Variants in ARFGEF3 observed in about 807,000 individuals in gnomAD.
ARFGEF3 encodes brefeldin A-inhibited guanine nucleotide-exchange protein 3.
ARFGEF3 carries 96 observed loss-of-function variants against 221.7 expected under a neutral mutation model. That is an observed-to-expected ratio of 0.43 (90% CI 0.37 to 0.51). The LOEUF (loss-of-function observed/expected upper bound fraction) is 0.51. Ranked by LOEUF, ARFGEF3 falls within the 20% of genes least tolerant of loss-of-function variation. The probability of loss-of-function intolerance (pLI) is 0.00; values close to 1 mark genes in which losing one functional copy is unlikely to be tolerated. For synonymous variants in ARFGEF3, 1,145 were observed against 1,126.8 expected (o/e 1.02, Z -0.32); for missense variants, 2,410 against 2,789.9 (o/e 0.86, Z 3.07).
chr6:138,314,439 C>T (rs1779883464), intron 26 of ARFGEF3, among the ~76,000 whole-genome samples: 1 of 152,132 alleles, frequency 6.6e-6, no homozygotes. Flanking sequence ...ACTCTGGCCC[C>T]CAAAATTGAG....
chr6:138,183,029 C>A (rs1167522987), intron 2 of ARFGEF3, among the ~76,000 whole-genome samples: 1 of 152,244 alleles, frequency 6.6e-6, no homozygotes, highest in East Asian at 1.9e-4. Flanking sequence ...TATTTACCAG[C>A]TGGGAGAAAA....
rs553218657 is a variant in ARFGEF3 at position 138,191,597 on chromosome 6, C to T, written c.138-15445C>T. On this transcript the variant is annotated intron_variant, in intron 2 of 33. Coordinates refer to ENST00000251691, the MANE Select transcript of ARFGEF3 (RefSeq NM_020340.5). ...GAAGTTTCATCCACTTCCAAGTTTT[C>T]AGCTACTAGTTATAGATTGATAACT... Among the ~76,000 whole-genome samples the T allele has an allele frequency of 7.2e-5, 11 of 152,308 alleles. 1 individual carries two copies. The highest frequency in any genetic ancestry group is 3.3e-4 in the Admixed American group (5 of 15,298).
rs530235367 is a variant in ARFGEF3, at chr6:138,186,745, G to A, written c.137+16032G>A. Among the ~76,000 whole-genome samples, 21 of 152,156 alleles carry A rather than the reference G, an allele frequency of 1.4e-4. 1 individual carries two copies. Among genetic ancestry groups the A allele is most frequent in the East Asian group, 7.7e-4 (4 of 5,174 alleles). ...GAGGTGCTGGAGATATCCCCGTCCC[G>A]CAAGCAAAACAACTGAGACTTGTAG... On this transcript the variant is annotated intron_variant, in intron 2 of 33. Transcript: ENST00000251691.
intron 4 of ARFGEF3, among the ~76,000 whole-genome samples, chr6:138,214,472 C>T (rs1218993451): frequency 1.3e-5 from 2 of 152,192 alleles, no homozygotes; most frequent in Admixed American, 6.5e-5. Flanking sequence ...GATAAGGCCA[C>T]ACCATGCAGT....
chr6:138,301,306 GAACTT>G (rs1779625198), intron 22 of ARFGEF3, among the ~76,000 whole-genome samples: 1 of 152,234 alleles, frequency 6.6e-6, no homozygotes, highest in African/African-American at 2.4e-5. Flanking sequence ...GTGTTTGCTA[GAACTT>G]TGGTTAAGAA....
At chr6:138,197,348 G>A (rs143890756) in intron 2 of ARFGEF3, among the ~76,000 whole-genome samples, 1 of 152,174 alleles carries the variant, frequency 6.6e-6, no homozygotes, top group African/African-American at 2.4e-5. Flanking sequence ...TGAAGGACCT[G>A]CCTGAGGCTG....
chr6:138,296,761 T>A (rs1160548637), intron 20 of ARFGEF3, 49 bp from the exon 21 acceptor site: 2 of 1,592,886 alleles, frequency 1.3e-6, no homozygotes, highest in Non-Finnish European at 1.7e-6. Flanking sequence ...TAGGTCAGAC[T>A]ATGTCTGAGT....
rs564683579 is a variant in ARFGEF3 at position 138,185,446 on chromosome 6, C to T, written c.137+14733C>T. 1.0e-3 allele frequency among the ~76,000 whole-genome samples: 156 copies of T among 152,256 alleles called. 1 individual carries two copies. The highest frequency in any genetic ancestry group is 1.5e-3 in the Non-Finnish European group (105 of 68,016). ...CCTCCCTAAAGGAATGATCATGACC[C>T]GTAGGGATCCAGAGAAGGGAGGATA... is the stretch of plus-strand genomic sequence containing the variant. On this transcript the variant is annotated intron_variant, in intron 2 of 33. Coordinates refer to ENST00000251691, the MANE Select transcript of ARFGEF3 (RefSeq NM_020340.5).
At chr6:138,287,925 A>C (rs994382114) in intron 17 of ARFGEF3, among the ~76,000 whole-genome samples, 25 of 152,174 alleles carry the variant, frequency 1.6e-4, no homozygotes, top group African/African-American at 5.5e-4. Flanking sequence ...CCATTTGAAA[A>C]CAAAATCGCT....
At chr6:138,300,989 A>G (rs1332133555) in intron 22 of ARFGEF3, among the ~76,000 whole-genome samples, 9 of 152,236 alleles carry the variant, frequency 5.9e-5, no homozygotes, top group Non-Finnish European at 5.9e-5. Flanking sequence ...AAAAATAACC[A>G]GGCTCATTAG....
chr6:138,263,136 A>T lies in ARFGEF3; in HGVS notation c.1653A>T (p.Val551=). 6.2e-7 allele frequency: 1 copy of T among 1,614,020 alleles called. No individual in the cohort carries two copies. The highest frequency in any genetic ancestry group is 1.1e-5 in the South Asian group (1 of 91,078). ...AGGGTAAGGAGACGCTGAGCAAAGT[A>T]TTGGAAACAGAGGCGGTAGACCAGC... ...IPEGKETLSK[V]LETEAVDQPD... is the part of the protein sequence containing the mutation. The change falls in exon 12 of 34, where the codon GTA becomes GTT. Residue 551 remains valine (V), a synonymous_variant. Coordinates refer to ENST00000251691, the MANE Select transcript of ARFGEF3 (RefSeq NM_020340.5).
intron 2 of ARFGEF3, among the ~76,000 whole-genome samples, chr6:138,194,989 A>ATTTTTTTTTTTTTTTTTTTT (rs747099029): frequency 5.9e-5 from 5 of 84,116 alleles, no homozygotes; most frequent in Non-Finnish European, 1.1e-4. Flanking sequence ...CTTTTCCCTA[A>ATTTTTTTTTTTTTTTTTTTT]TTTTTTTTTT....
intron 8 of ARFGEF3, 93 bp from the exon 9 acceptor site, chr6:138,253,787 G>A (rs879046089): frequency 2.3e-5 from 22 of 963,746 alleles, no homozygotes; most frequent in Non-Finnish European, 3.0e-5. Context: ...CTTTAGTAAC[G>A]CCTACCATTT....
chr6:138,181,103 A>T (rs1562344611), intron 2 of ARFGEF3, among the ~76,000 whole-genome samples: 1 of 152,212 alleles, frequency 6.6e-6, no homozygotes, highest in Non-Finnish European at 1.5e-5. Context: ...CCCATTAATA[A>T]GGAAGACCTA....
intron 4 of ARFGEF3, among the ~76,000 whole-genome samples, chr6:138,228,172 ATTTT>A (rs549915422): frequency 2.2e-4 from 23 of 106,428 alleles, no homozygotes; most frequent in East Asian, 7.7e-4. Context: ...CACTGAGACA[ATTTT>A]TTTTTTTTTT....
At chr6:138,195,908 G>A (rs1777408445) in intron 2 of ARFGEF3, among the ~76,000 whole-genome samples, 1 of 151,618 alleles carries the variant, frequency 6.6e-6, no homozygotes, top group South Asian at 2.1e-4. Flanking sequence ...TTTCACGGCA[G>A]GAAGTTGTAA....
chr6:138,174,611 A>G (rs562402567), intron 2 of ARFGEF3, among the ~76,000 whole-genome samples: 4 of 150,828 alleles, frequency 2.7e-5, no homozygotes, highest in South Asian at 4.2e-4. Flanking sequence ...AACCAAGTTT[A>G]TAAACTATCT....
At chr6:138,212,835 T>C (rs1172439907) in intron 4 of ARFGEF3, among the ~76,000 whole-genome samples, 2 of 151,998 alleles carry the variant, frequency 1.3e-5, no homozygotes, top group Non-Finnish European at 2.9e-5. Context: ...ATGAGAACAC[T>C]TGGACACAAG....
chr6:138,300,401 A>C (rs1009591454), intron 22 of ARFGEF3, among the ~76,000 whole-genome samples: 19 of 152,296 alleles, frequency 1.2e-4, no homozygotes, highest in African/African-American at 4.6e-4. Flanking sequence ...AATAAGAGTG[A>C]ACTAGGTAAT....
Sources: allele counts gnomAD v4.1 joint callset (sites outside exome capture counted in the v4.1 genomes callset), GRCh38; gene constraint gnomAD v4.1.1; transcripts MANE v1.5; gene names NCBI Gene and HGNC (gene_info 2026-07-23, HGNC 2026-07-21).